Variants in MAGI1 observed in about 807,000 individuals in gnomAD.
MAGI1 encodes membrane-associated guanylate kinase, WW and PDZ domain-containing protein 1.
Under a neutral mutation model 139.9 loss-of-function variants are expected in MAGI1, and 58 were observed. The observed-to-expected ratio is 0.41, with a 90% CI of 0.34 to 0.52. The LOEUF is 0.52. Ranked by LOEUF, MAGI1 falls within the 20% of genes least tolerant of loss-of-function variation. MAGI1 has a pLI of 0.12. For synonymous variants in MAGI1, 812 were observed against 737.9 expected (o/e 1.10, Z -1.63); for missense variants, 1,874 against 1,901.6 (o/e 0.99, Z 0.27).
At chr3:65,384,366 C>A (rs765949542) in intron 14 of MAGI1, among the ~76,000 whole-genome samples, 1 of 152,052 alleles carries the variant, frequency 6.6e-6, no homozygotes, top group Non-Finnish European at 1.5e-5. Flanking sequence ...TCTCGTTATT[C>A]CCTAAGTAAT....
At chr3:65,564,244 T>A (rs1049104257) in intron 2 of MAGI1, among the ~76,000 whole-genome samples, 1 of 151,718 alleles carries the variant, frequency 6.6e-6, no homozygotes, top group African/African-American at 2.4e-5. Flanking sequence ...CGAAAATGGA[T>A]AACAAATCTT....
Position 65,381,812 on chromosome 3 carries a change from G to A in MAGI1, c.2701+65C>T, listed in dbSNP as rs954251447. Reference sequence around the variant, plus strand: ...TAGACGCTCAAGGAGGCAGACACAGGAAGGAGGCCTTTTCTGTGAATAAAG... The same window carrying A: ...TAGACGCTCAAGGAGGCAGACACAGAAAGGAGGCCTTTTCTGTGAATAAAG... On this transcript the variant is annotated intron_variant, in intron 16 of 22. Coordinates refer to ENST00000402939, the MANE Select transcript of MAGI1 (RefSeq NM_001033057.2). 7 of 1,403,314 alleles carry A rather than the reference G, an allele frequency of 5.0e-6. No individual in the cohort carries two copies. The African/African-American group carries it at 8.6e-5, about 17-fold the overall frequency. The allele number at this position is 1,403,314 out of a possible 1,614,324, so 86.9% of individuals were successfully genotyped here.
At chr3:65,724,299 C>T (rs555419939) in intron 1 of MAGI1, among the ~76,000 whole-genome samples, 1 of 152,340 alleles carries the variant, frequency 6.6e-6, no homozygotes, top group East Asian at 1.9e-4. Flanking sequence ...TTTCATCTCT[C>T]AGGTTTTTGT....
chr3:65,538,887 C>T (rs551626151), intron 2 of MAGI1, among the ~76,000 whole-genome samples: 5 of 152,110 alleles, frequency 3.3e-5, no homozygotes, highest in Admixed American at 3.3e-4. Flanking sequence ...TACTGTCAAC[C>T]AGAAACACAT....
At chr3:65,854,246 C>T (rs918486507) in intron 1 of MAGI1, among the ~76,000 whole-genome samples, 4 of 150,002 alleles carry the variant, frequency 2.7e-5, no homozygotes, top group Non-Finnish European at 5.9e-5. Context: ...CCAGGCGTTT[C>T]AGAAGAGTCT....
chr3:66,033,604 C>CA (rs1256701960), intron 1 of MAGI1, among the ~76,000 whole-genome samples: 5 of 152,086 alleles, frequency 3.3e-5, no homozygotes, highest in Admixed American at 1.3e-4. Flanking sequence ...AATACCAAAA[C>CA]AAAAAACCAC....
At chr3:65,754,535 T>C (rs909790162) in intron 1 of MAGI1, among the ~76,000 whole-genome samples, 6 of 152,218 alleles carry the variant, frequency 3.9e-5, no homozygotes, top group Non-Finnish European at 8.8e-5. Context: ...TATTTCATGA[T>C]TCACTTTCTG....
intron 1 of MAGI1, among the ~76,000 whole-genome samples, chr3:65,632,599 G>A (rs1406528565): frequency 6.6e-6 from 1 of 152,188 alleles, no homozygotes; most frequent in Non-Finnish European, 1.5e-5. Flanking sequence ...GTCTAGGTCA[G>A]GGGTCAGCAA....
chr3:65,876,355 C>CA (rs57491630), intron 1 of MAGI1, among the ~76,000 whole-genome samples: 3 of 151,560 alleles, frequency 2.0e-5, no homozygotes, highest in African/African-American at 4.9e-5. Flanking sequence ...CCACCCCCCC[C>CA]AAAAAAGGCA....
intron 2 of MAGI1, among the ~76,000 whole-genome samples, chr3:65,621,025 T>A (rs1290317183): frequency 2.6e-5 from 4 of 151,550 alleles, no homozygotes; most frequent in Admixed American, 6.6e-5. Flanking sequence ...GTTTTTTTTT[T>A]AAAAGAAAAC....
At position 65,439,928 on chromosome 3, in the gene MAGI1, T is replaced by TTGCTGCTGC. The variant is rs113562374; in HGVS notation, c.1212_1220dup (p.Gln419_Gln421dup). 4.4e-6 allele frequency: 7 copies of TTGCTGCTGC among 1,604,404 alleles called. No homozygotes were observed. The African/African-American group carries it at 9.5e-5, about 22-fold the overall frequency. Reference sequence around the variant, plus strand: ...GCTGCTGCTGCTGTTGCTGCTGCTGTTGCTGCTGCTGCTGCTGCTCAAGCT... The same window carrying TTGCTGCTGC: ...GCTGCTGCTGCTGTTGCTGCTGCTGTTGCTGCTGCTGCTGCTGCTGCTGCTGCTCAAGCT... On this transcript the variant is annotated inframe_insertion, in exon 9 of 23. Transcript: ENST00000402939.
intron 18 of MAGI1, among the ~76,000 whole-genome samples, chr3:65,373,097 T>G (rs1942160738): frequency 6.6e-6 from 1 of 152,248 alleles, no homozygotes; most frequent in African/African-American, 2.4e-5. Flanking sequence ...ATCTAGCTTT[T>G]GGCCTATCTC....
intron 12 of MAGI1, among the ~76,000 whole-genome samples, chr3:65,414,855 T>TAA (rs57931361): frequency 6.1e-5 from 8 of 131,154 alleles, no homozygotes; most frequent in African/African-American, 1.2e-4. Context: ...CCGTCTCTAC[T>TAA]AAAAAAAAAA....
intron 1 of MAGI1, among the ~76,000 whole-genome samples, chr3:65,929,219 A>G (rs1392426716): frequency 6.6e-6 from 1 of 152,132 alleles, no homozygotes; most frequent in Non-Finnish European, 1.5e-5. Context: ...CCTGTTTGGG[A>G]CAACCTATCT....
At chr3:65,418,574 C>G (rs979978574) in intron 12 of MAGI1, among the ~76,000 whole-genome samples, 2 of 152,170 alleles carry the variant, frequency 1.3e-5, no homozygotes, top group Non-Finnish European at 2.9e-5. Context: ...TTCTTAAATA[C>G]TTCACTCCTG....
intron 5 of MAGI1, among the ~76,000 whole-genome samples, chr3:65,459,876 G>A (rs1457262768): frequency 5.3e-5 from 8 of 152,140 alleles, no homozygotes; most frequent in East Asian, 1.9e-4. Context: ...AGTGAGCTGC[G>A]TTAACACCAC....
intron 1 of MAGI1, among the ~76,000 whole-genome samples, chr3:65,930,806 A>G (rs1238156318): frequency 6.6e-6 from 1 of 152,172 alleles, no homozygotes; most frequent in African/African-American, 2.4e-5. Flanking sequence ...CACTCCCACC[A>G]GTGTCCTGAC....
chr3:65,554,142 A>G (rs1301117781), intron 2 of MAGI1, among the ~76,000 whole-genome samples: 1 of 151,848 alleles, frequency 6.6e-6, no homozygotes, highest in Non-Finnish European at 1.5e-5. Flanking sequence ...GTTTTGTTTC[A>G]CTCCCCAAGA....
At chr3:65,609,239 C>T (rs1283374833) in intron 2 of MAGI1, among the ~76,000 whole-genome samples, 2 of 151,776 alleles carry the variant, frequency 1.3e-5, no homozygotes, top group African/African-American at 2.4e-5. Flanking sequence ...ATTTTTATAA[C>T]TTGCTATATT....
Sources: gnomAD v4.1 joint callset for allele counts (sites outside exome capture counted in the v4.1 genomes callset) on GRCh38, gnomAD v4.1.1 for gene constraint, MANE v1.5 for transcripts, NCBI Gene and HGNC (gene_info 2026-07-23, HGNC 2026-07-21) for gene names.